The following GPC5 variants were observed in gnomAD, a reference collection of about 807,000 sequenced individuals.
GPC5 encodes glypican-5.
Under a neutral mutation model 53.9 loss-of-function variants are expected in GPC5, and 47 were observed. The observed-to-expected ratio is 0.87, with a 90% CI of 0.69 to 1.11. GPC5 has a LOEUF of 1.11. GPC5 is among the 50% of genes most tolerant of loss of function. The probability of loss-of-function intolerance (pLI) is 0.00; values close to 1 mark genes in which losing one functional copy is unlikely to be tolerated. For missense variants in GPC5, 748 were observed against 713.1 expected, an observed-to-expected ratio of 1.05 and a Z score of -0.56; for synonymous variants, 286 against 263.3, an observed-to-expected ratio of 1.09 and a Z score of -0.84.
intron 7 of GPC5, among the ~76,000 whole-genome samples, chr13:92,382,859 C>T (rs1359657922): frequency 1.3e-5 from 2 of 151,780 alleles, no homozygotes. Context: ...AAAAATTAGC[C>T]AGGCGCGGTG....
In GPC5 at chr13:92,751,302, T is replaced by TAAAAAAAAAAAAAAAAAAAAAAAAAA. The variant is rs1566400471; in HGVS notation, c.1562-114980_1562-114979insAAAAAAAAAAAAAAAAAAAAAAAAAA. ...AAAACCTTTGGTCATCCAGAAACATTTAAAAAAAAAAAAAAAAAAAAAAAA... is the reference window on the plus strand; with the variant it reads ...AAAACCTTTGGTCATCCAGAAACATTAAAAAAAAAAAAAAAAAAAAAAAAAATAAAAAAAAAAAAAAAAAAAAAAAA... On this transcript the variant is annotated intron_variant, in intron 7 of 7. Coordinates refer to ENST00000377067, the MANE Select transcript of GPC5 (RefSeq NM_004466.6). 7.6e-4 allele frequency among the ~76,000 whole-genome samples: 26 copies of TAAAAAAAAAAAAAAAAAAAAAAAAAA among 34,420 alleles called. 5 individuals are homozygous for TAAAAAAAAAAAAAAAAAAAAAAAAAA. The highest frequency in any genetic ancestry group is 2.7e-3 in the Admixed American group (7 of 2,592). 22.6% of individuals were successfully genotyped at this position (34,420 alleles called of 152,430 possible).
chr13:92,438,389 T>C, intron 7 of GPC5, among the ~76,000 whole-genome samples: 2 of 102,132 alleles, frequency 2.0e-5, no homozygotes, highest in Admixed American at 1.9e-4. Flanking sequence ...AATAAATATA[T>C]ATATATATAT....
At chr13:92,548,626 C>T (rs1308145847) in intron 7 of GPC5, among the ~76,000 whole-genome samples, 1 of 151,842 alleles carries the variant, frequency 6.6e-6, no homozygotes. Flanking sequence ...CAAATATATA[C>T]AAATTTTTAC....
intron 7 of GPC5, among the ~76,000 whole-genome samples, chr13:92,269,543 C>T (rs1220159504): frequency 1.3e-5 from 2 of 152,064 alleles, no homozygotes; most frequent in Non-Finnish European, 2.9e-5. Flanking sequence ...GTAGCTGGGA[C>T]TACAGGCATC....
intron 7 of GPC5, among the ~76,000 whole-genome samples, chr13:92,149,418 G>A (rs2041891527): frequency 1.3e-5 from 2 of 151,990 alleles, no homozygotes; most frequent in Non-Finnish European, 1.5e-5. Context: ...TTTAGAAATA[G>A]TAGGATAATA....
At chr13:92,364,402 A>G (rs941535998) in intron 7 of GPC5, among the ~76,000 whole-genome samples, 2 of 151,810 alleles carry the variant, frequency 1.3e-5, no homozygotes, top group African/African-American at 4.9e-5. Context: ...AGATTATGAC[A>G]TATTTGTACT....
intron 7 of GPC5, among the ~76,000 whole-genome samples, chr13:92,418,078 T>C (rs984955630): frequency 2.0e-5 from 3 of 152,216 alleles, no homozygotes; most frequent in Admixed American, 2.0e-4. Flanking sequence ...ATTCTATTTA[T>C]ATACATTTTT....
At chr13:91,524,384 C>T (rs1885986841) in intron 2 of GPC5, among the ~76,000 whole-genome samples, 1 of 151,986 alleles carries the variant, frequency 6.6e-6, no homozygotes, top group African/African-American at 2.4e-5. Context: ...GCAGTTACAA[C>T]ATTAAGATAT....
rs181050428 is a variant in GPC5, at chr13:91,530,083, A to C, written c.325+81161A>C. ...TCTGCCTTCTCTTTAATTACAAGAA[A>C]ATGTCTTGGGAATTGCTGTACAGTT... On this transcript the variant is annotated intron_variant, in intron 2 of 7. Coordinates refer to ENST00000377067, the MANE Select transcript of GPC5 (RefSeq NM_004466.6). Among the ~76,000 whole-genome samples, 128 of 152,274 alleles carry C rather than the reference A, an allele frequency of 8.4e-4. 1 individual carries two copies. The highest frequency in any genetic ancestry group is 7.2e-4 in the Non-Finnish European group (49 of 68,010).
At chr13:92,827,793 C>T (rs1594533495) in intron 7 of GPC5, among the ~76,000 whole-genome samples, 1 of 152,132 alleles carries the variant, frequency 6.6e-6, no homozygotes, top group East Asian at 1.9e-4. Context: ...ACACAGAACA[C>T]ACCACCAGGA....
At chr13:92,291,893 A>G (rs1224541485) in intron 7 of GPC5, among the ~76,000 whole-genome samples, 1 of 152,150 alleles carries the variant, frequency 6.6e-6, no homozygotes, top group East Asian at 1.9e-4. Context: ...AGCCAGTGAG[A>G]CCACAACCCC....
chr13:92,351,668 A>G (rs1358100314), intron 7 of GPC5, among the ~76,000 whole-genome samples: 1 of 152,188 alleles, frequency 6.6e-6, no homozygotes, highest in East Asian at 1.9e-4. Context: ...AAATTGATGC[A>G]TAGAGACAAT....
intron 2 of GPC5, among the ~76,000 whole-genome samples, chr13:91,686,203 A>C (rs2035619516): frequency 6.6e-6 from 1 of 152,184 alleles, no homozygotes; most frequent in East Asian, 1.9e-4. Context: ...TTCTGCTAAA[A>C]TCAAGTTGAT....
chr13:92,344,935 A>G (rs1011579192), intron 7 of GPC5, among the ~76,000 whole-genome samples: 5 of 152,226 alleles, frequency 3.3e-5, no homozygotes, highest in African/African-American at 1.2e-4. Context: ...GGTCAAAATC[A>G]TGAGACATTT....
chr13:92,825,847 C>CT (rs1463896814), intron 7 of GPC5, among the ~76,000 whole-genome samples: 1 of 152,038 alleles, frequency 6.6e-6, no homozygotes, highest in Admixed American at 6.6e-5. Flanking sequence ...GTTTCATACC[C>CT]TTTTTACTCA....
intron 7 of GPC5, among the ~76,000 whole-genome samples, chr13:92,280,212 T>C (rs2042904712): frequency 6.6e-6 from 1 of 152,176 alleles, no homozygotes; most frequent in Non-Finnish European, 1.5e-5. Flanking sequence ...ATTGCTATAA[T>C]ATTCGTAGTT....
chr13:92,631,141 T>A (rs576359472), intron 7 of GPC5, among the ~76,000 whole-genome samples: 1 of 152,176 alleles, frequency 6.6e-6, no homozygotes, highest in East Asian at 1.9e-4. Context: ...AAAAATGAAA[T>A]ACTTTACATT....
intron 5 of GPC5, among the ~76,000 whole-genome samples, chr13:91,783,472 C>T (rs1362305377): frequency 6.6e-6 from 1 of 152,096 alleles, no homozygotes; most frequent in African/African-American, 2.4e-5. Context: ...CTCACTCTGT[C>T]GCTCAGGCTG....
chr13:92,255,626 A>G (rs886408697), intron 7 of GPC5, among the ~76,000 whole-genome samples: 31 of 152,176 alleles, frequency 2.0e-4, no homozygotes, highest in Admixed American at 2.6e-4. Flanking sequence ...ACAGTTGTTC[A>G]GGCAGATGTT....
Sources: allele counts gnomAD v4.1 joint callset (sites outside exome capture counted in the v4.1 genomes callset), GRCh38; gene constraint gnomAD v4.1.1; transcripts MANE v1.5; gene names NCBI Gene and HGNC (gene_info 2026-07-23, HGNC 2026-07-21).